The following AKAP1 variants were observed in gnomAD, a reference collection of about 807,000 sequenced individuals.
AKAP1 encodes the protein A-kinase anchor protein 1, mitochondrial.
A neutral mutation model predicts 79.8 loss-of-function variants in AKAP1; 32 were observed. The ratio of observed to expected loss-of-function variants is 0.40; its 90% CI spans 0.30 to 0.54. The LOEUF (loss-of-function observed/expected upper bound fraction) is 0.54. Ranked by LOEUF, AKAP1 falls within the 20% of genes least tolerant of loss-of-function variation. The probability of loss-of-function intolerance (pLI) is 0.47; values close to 1 mark genes in which losing one functional copy is unlikely to be tolerated. For synonymous variants in AKAP1, 416 were observed against 466.7 expected, an observed-to-expected ratio of 0.89 and a Z score of 1.40; for missense variants, 961 against 1,138.9, an observed-to-expected ratio of 0.84 and a Z score of 2.25.
At chr17:57,105,347 C>A in intron 1 of AKAP1, 94 bp from the exon 2 acceptor site, 1 of 1,248,410 alleles carries the variant, frequency 8.0e-7, no homozygotes, top group Non-Finnish European at 1.2e-6. Context: ...ATGGCTCCAG[C>A]TCTACCCTGT....
intron 1 of AKAP1, among the ~76,000 whole-genome samples, chr17:57,103,870 G>A (rs987172888): frequency 6.6e-6 from 1 of 152,150 alleles, no homozygotes; most frequent in East Asian, 1.9e-4. Context: ...CCATCTTACA[G>A]ATGAGGAAAA....
chr17:57,107,532 T>C (rs1021525934), intron 2 of AKAP1, among the ~76,000 whole-genome samples: 3 of 152,172 alleles, frequency 2.0e-5, no homozygotes, highest in African/African-American at 7.2e-5. Flanking sequence ...AGATGGAGTC[T>C]TCCTTTGTTG....
rs535796988 is a variant in AKAP1, at chr17:57,120,665, G to A, written c.*341G>A. On this transcript the variant is annotated 3_prime_UTR_variant, in exon 11 of 11. Coordinates refer to ENST00000337714, the MANE Select transcript of AKAP1 (RefSeq NM_003488.4). Reference sequence around the variant, plus strand: ...TCTTCTTCCTTCTATCTCCTTCCCCGGCAAAAACCAAACAAACTGGCAGAC... The same window carrying A: ...TCTTCTTCCTTCTATCTCCTTCCCCAGCAAAAACCAAACAAACTGGCAGAC... 9.2e-4 allele frequency: 184 copies of A among 199,414 alleles called. No individual in the cohort carries two copies. The highest frequency in any genetic ancestry group is 5.7e-3 in the Middle Eastern group (3 of 524). 12.4% of individuals were successfully genotyped at this position (199,414 alleles called of 1,614,324 possible).
rs146685817 is a variant in AKAP1 at position 57,110,237 on chromosome 17, G to A, written c.1848+79G>A. 314 of 1,558,030 alleles carry A rather than the reference G, an allele frequency of 2.0e-4. 2 individuals are homozygous for A. The African/African-American group carries it at 3.9e-3, about 20-fold the overall frequency. ...GCCAGGGCCATTAGACCTCAGGGAG[G>A]GAGGGGGCTGGGAGAGGGACAGTAA... On this transcript the variant is annotated intron_variant, in intron 3 of 10. Transcript: ENST00000337714.
chr17:57,087,775 C>T (rs1018219134), intron 1 of AKAP1, among the ~76,000 whole-genome samples: 2 of 152,212 alleles, frequency 1.3e-5, no homozygotes, highest in African/African-American at 4.8e-5. Flanking sequence ...TTTCCCTAAG[C>T]TTTGCTGGCT....
intron 5 of AKAP1, 75 bp from the exon 6 acceptor site, chr17:57,114,384 C>T (rs2081860286): frequency 1.3e-6 from 2 of 1,548,094 alleles, no homozygotes; most frequent in Non-Finnish European, 1.8e-6. Flanking sequence ...GAGACTTGCC[C>T]TTGGGTCTCG....
At position 57,117,055 on chromosome 17, in the gene AKAP1, G is replaced by A. The variant is rs1597992582; in HGVS notation, c.2500+128G>A. Reference sequence around the variant, plus strand: ...AAGTTGCTACCACTCAAGAGTTTCTGACTGAATAGGTCTGGGCTTAGGCCC... The same window carrying A: ...AAGTTGCTACCACTCAAGAGTTTCTAACTGAATAGGTCTGGGCTTAGGCCC... On this transcript the variant is annotated intron_variant, in intron 8 of 10. Coordinates refer to ENST00000337714, the MANE Select transcript of AKAP1 (RefSeq NM_003488.4). 10 of 969,970 alleles carry A rather than the reference G, an allele frequency of 1.0e-5. No individual in the cohort carries two copies. In the East Asian group the frequency reaches 2.2e-4, roughly 21 times the overall value. 60.1% of individuals were successfully genotyped at this position (969,970 alleles called of 1,614,324 possible).
intron 5 of AKAP1, among the ~76,000 whole-genome samples, chr17:57,113,613 T>TG (rs1915393918): frequency 1.4e-5 from 2 of 142,572 alleles, no homozygotes; most frequent in Non-Finnish European, 3.1e-5. Context: ...TTTTTTTTTT[T>TG]TTTTTTTGAG....
chr17:57,116,169 T>C lies in AKAP1; in HGVS notation c.2340T>C (p.Val780=), dbSNP rs778292016. The change falls in exon 7 of 11, where the codon GTT becomes GTC. Residue 780 remains valine, a synonymous_variant. Coordinates refer to ENST00000337714, the MANE Select transcript of AKAP1 (RefSeq NM_003488.4). ...GGGCCTGGTGGCGAGCCCAAGTGGT[T>C]GCCTCCTACGAGGAGACCAACGAAG... is the stretch of plus-strand genomic sequence containing the variant. The part of the protein sequence containing the change: ...ADGAWWRAQV[V]ASYEETNEVE... 6.2e-7 allele frequency: 1 copy of C among 1,614,102 alleles called. No homozygotes were observed. The highest frequency in any genetic ancestry group is 8.5e-7 in the Non-Finnish European group (1 of 1,180,010).
intron 2 of AKAP1, 93 bp from the exon 3 acceptor site, chr17:57,109,932 C>A: frequency 6.5e-7 from 1 of 1,528,826 alleles, no homozygotes; most frequent in Non-Finnish European, 8.9e-7. Flanking sequence ...TGGGGCAGGG[C>A]CTCCTGGGAA....
chr17:57,097,230 C>T (rs1354964171), intron 1 of AKAP1, among the ~76,000 whole-genome samples: 2 of 144,074 alleles, frequency 1.4e-5, no homozygotes, highest in African/African-American at 2.7e-5. Flanking sequence ...TAAGGAAATC[C>T]TGGCCCTCTT....
At chr17:57,096,056 T>C (rs1914092773) in intron 1 of AKAP1, 1 of 152,256 alleles carries the variant, frequency 6.6e-6, no homozygotes, top group Non-Finnish European at 1.5e-5. Flanking sequence ...TGATGATTTT[T>C]CCTTCACGAA....
At chr17:57,101,884 A>G (rs2144692078) in intron 1 of AKAP1, among the ~76,000 whole-genome samples, 1 of 152,314 alleles carries the variant, frequency 6.6e-6, no homozygotes, top group East Asian at 1.9e-4. Flanking sequence ...TTATGTGAAC[A>G]TAGACATTCC....
intron 3 of AKAP1, among the ~76,000 whole-genome samples, chr17:57,110,942 GCC>G (rs1351259040): frequency 3.3e-5 from 5 of 152,056 alleles, no homozygotes; most frequent in Non-Finnish European, 5.9e-5. Flanking sequence ...TTCTCCCAGG[GCC>G]CTGGGCTCTG....
At chr17:57,112,037 C>A in intron 4 of AKAP1, 113 bp downstream of exon 4, 1 of 1,393,638 alleles carries the variant, frequency 7.2e-7, no homozygotes, top group Non-Finnish European at 9.7e-7. Context: ...GCTTCTCATC[C>A]CAGGGAAGGG....
At position 57,091,687 on chromosome 17, in the gene AKAP1, T is replaced by C. The variant is rs114567888; in HGVS notation, c.-25+6289T>C. On this transcript the variant is annotated intron_variant, in intron 1 of 10. Transcript: ENST00000337714. ...ATAACCCCATTAAAAACATTATTTA[T>C]TTATTTATTTATTTATTTAGAGATG... 8.7e-3 allele frequency among the ~76,000 whole-genome samples: 1,319 copies of C among 151,972 alleles called. 18 individuals carry two copies. The highest frequency in any genetic ancestry group is 0.03 in the African/African-American group (1,256 of 41,414).
chr17:57,114,647 C>A lies in AKAP1; in HGVS notation c.2281+11C>A. On this transcript the variant is annotated intron_variant, in intron 6 of 10. Coordinates refer to ENST00000337714, the MANE Select transcript of AKAP1 (RefSeq NM_003488.4). ...CCACCCCAGTGGAAAGTAAGCAGTG[C>A]CCTGAGGGGTCGGGAAGGGGGACCC... The A allele has an allele frequency of 6.2e-7, 1 of 1,610,996 alleles. No individual in the cohort carries two copies. Among genetic ancestry groups the A allele is most frequent in the Non-Finnish European group, 8.5e-7 (1 of 1,178,432 alleles).
At chr17:57,096,367 G>C (rs1198872808) in intron 1 of AKAP1, 1 of 152,204 alleles carries the variant, frequency 6.6e-6, no homozygotes, top group African/African-American at 2.4e-5. Flanking sequence ...CTGTGAATTG[G>C]GCTGGGAAAG....
At chr17:57,108,075 C>CA in intron 2 of AKAP1, 1 of 1,153,630 alleles carries the variant, frequency 8.7e-7, no homozygotes, top group Non-Finnish European at 1.1e-6. Context: ...CCTGCTTCTG[C>CA]AGGCACCCTG....
Sources: gnomAD v4.1 joint callset for allele counts (sites outside exome capture counted in the v4.1 genomes callset) on GRCh38, gnomAD v4.1.1 for gene constraint, MANE v1.5 for transcripts, NCBI Gene and HGNC (gene_info 2026-07-23, HGNC 2026-07-21) for gene names.